Variants in APBB2 observed in about 807,000 individuals in gnomAD.
The protein encoded by APBB2 is amyloid beta precursor protein binding family B member 2.
In APBB2, 38 loss-of-function variants were observed where a neutral mutation model predicts 82.5. The ratio of observed to expected loss-of-function variants is 0.46; its 90% CI spans 0.36 to 0.60. The LOEUF (loss-of-function observed/expected upper bound fraction) is 0.60, where lower values mean the gene tolerates loss of function less well. Ranked by LOEUF, APBB2 falls within the 20% of genes least tolerant of loss-of-function variation. APBB2 has a pLI of 0.00. For missense variants in APBB2, 772 were observed against 972.3 expected (o/e 0.79, Z 2.74); for synonymous variants, 341 against 368.2 (o/e 0.93, Z 0.85).
intron 12 of APBB2, among the ~76,000 whole-genome samples, chr4:40,841,468 A>G (rs1755785366): frequency 1.3e-5 from 2 of 152,280 alleles, no homozygotes; most frequent in Middle Eastern, 3.4e-3. Context: ...GAGCATTGGA[A>G]AAACACAACT....
intron 11 of APBB2, among the ~76,000 whole-genome samples, chr4:40,891,111 A>G (rs1431952408): frequency 6.6e-6 from 1 of 152,218 alleles, no homozygotes; most frequent in Non-Finnish European, 1.5e-5. Context: ...GATTGTTACT[A>G]TCCCAGTTAG....
At position 40,822,902 on chromosome 4, in the gene APBB2, G is replaced by T. The variant is rs532240365; in HGVS notation, c.1932+742C>A. On this transcript the variant is annotated intron_variant, in intron 16 of 17. Coordinates refer to ENST00000508593, the MANE Select transcript of APBB2 (RefSeq NM_004307.2). ...GCATGGAGGGTGCAGTGCTTGCGAT[G>T]ATGCTGGTGTGGGGAAGGGCGGGAC... 3.9e-5 allele frequency among the ~76,000 whole-genome samples: 6 copies of T among 152,296 alleles called. No homozygotes were observed. The South Asian group carries it at 1.2e-3, about 32-fold the overall frequency.
intron 12 of APBB2, among the ~76,000 whole-genome samples, chr4:40,831,544 G>C (rs1462309396): frequency 6.6e-6 from 1 of 152,200 alleles, no homozygotes; most frequent in Non-Finnish European, 1.5e-5. Flanking sequence ...AAACAGAAAG[G>C]CTTGAGGAGC....
chr4:41,025,262 G>T (rs1296101341), intron 5 of APBB2, among the ~76,000 whole-genome samples: 1 of 152,082 alleles, frequency 6.6e-6, no homozygotes, highest in African/African-American at 2.4e-5. Context: ...CATACATTTG[G>T]CCAAGAAGCA....
chr4:41,010,948 C>G (rs1417033431), intron 6 of APBB2, among the ~76,000 whole-genome samples: 1 of 151,966 alleles, frequency 6.6e-6, no homozygotes, highest in Non-Finnish European at 1.5e-5. Flanking sequence ...AATTTTGTTT[C>G]TTTTTTTATC....
chr4:41,159,961 G>GAGAAGGAGAAGAAGA (rs1764562022), intron 1 of APBB2, among the ~76,000 whole-genome samples: 15 of 31,976 alleles, frequency 4.7e-4, no homozygotes, highest in African/African-American at 1.4e-3. Flanking sequence ...GAAGGAGAAG[G>GAGAAGGAGAAGAAGA]AGAAGAAGAA....
At chr4:41,196,601 T>C in intron 1 of APBB2, among the ~76,000 whole-genome samples, 1 of 107,590 alleles carries the variant, frequency 9.3e-6, no homozygotes, top group African/African-American at 3.2e-5. Context: ...GCCCCCTGCT[T>C]TTTTTTTTTT....
chr4:40,898,265 G>C (rs540994085), intron 10 of APBB2, among the ~76,000 whole-genome samples: 1 of 152,240 alleles, frequency 6.6e-6, no homozygotes, highest in South Asian at 2.1e-4. Flanking sequence ...ATTATTTTTT[G>C]TTTGTTTATT....
At chr4:40,907,437 A>C (rs1177609586) in intron 10 of APBB2, among the ~76,000 whole-genome samples, 1 of 135,012 alleles carries the variant, frequency 7.4e-6, no homozygotes, top group Non-Finnish European at 1.5e-5. Flanking sequence ...GCTGGAGTGC[A>C]GTGGCTCACT....
chr4:40,827,123 C>A lies in APBB2; in HGVS notation c.1732+9G>T, dbSNP rs78391665. ...GCCATAATGAAGACATGAGGTGCCA[C>A]TGACTTACCTTGCAAAGGGACATCG... is the stretch of plus-strand genomic sequence containing the variant. On this transcript the variant is annotated intron_variant, in intron 14 of 17. Transcript: ENST00000508593. 0.034 allele frequency: 55,051 copies of A among 1,613,244 alleles called. 1,260 individuals are homozygous for A. The highest frequency in any genetic ancestry group is 0.039 in the Non-Finnish European group (45,417 of 1,179,282).
intron 2 of APBB2, chr4:41,118,208 A>C (rs1159747672): frequency 6.6e-6 from 1 of 152,118 alleles, no homozygotes; most frequent in Admixed American, 6.6e-5. Context: ...GCAAGATCCT[A>C]TCAAAACAAA....
chr4:40,989,531 ATT>A (rs33982618), intron 6 of APBB2, among the ~76,000 whole-genome samples: 5,113 of 151,282 alleles, frequency 0.034, 127 homozygotes, highest in Middle Eastern at 0.071. Context: ...GAGAAACTAC[ATT>A]TTTTTTTTCC....
At chr4:41,037,780 G>T (rs186292364) in intron 4 of APBB2, among the ~76,000 whole-genome samples, 15 of 152,306 alleles carry the variant, frequency 9.8e-5, no homozygotes, top group Non-Finnish European at 1.3e-4. Flanking sequence ...AGCACTTTGG[G>T]TGGCTGAGGC....
intron 12 of APBB2, among the ~76,000 whole-genome samples, chr4:40,838,756 A>C (rs1043460216): frequency 6.6e-6 from 1 of 152,198 alleles, no homozygotes; most frequent in Non-Finnish European, 1.5e-5. Context: ...GGCGTGAGCC[A>C]CCATGCCTGG....
intron 12 of APBB2, chr4:40,848,803 G>T: frequency 1.0e-6 from 1 of 960,030 alleles, no homozygotes; most frequent in South Asian, 4.8e-5. Flanking sequence ...CTTGCTGATC[G>T]GCTGCTTGGT....
intron 12 of APBB2, among the ~76,000 whole-genome samples, chr4:40,841,900 G>C (rs535380827): frequency 3.1e-4 from 47 of 152,262 alleles, no homozygotes; most frequent in African/African-American, 1.1e-3. Context: ...GGCTGGTCTT[G>C]AACTCCTGAC....
intron 5 of APBB2, among the ~76,000 whole-genome samples, chr4:41,015,349 A>G (rs2154430487): frequency 1.3e-5 from 2 of 152,350 alleles, no homozygotes; most frequent in Admixed American, 1.3e-4. Flanking sequence ...TTCTCAATCT[A>G]TGAGGAGTGA....
At chr4:41,158,362 T>C (rs1763995936) in intron 1 of APBB2, among the ~76,000 whole-genome samples, 1 of 152,244 alleles carries the variant, frequency 6.6e-6, no homozygotes, top group Non-Finnish European at 1.5e-5. Context: ...TAAGAGTTTA[T>C]GTCTAAGAGG....
At chr4:40,912,275 A>G (rs1778766321) in intron 10 of APBB2, among the ~76,000 whole-genome samples, 1 of 152,168 alleles carries the variant, frequency 6.6e-6, no homozygotes, top group Non-Finnish European at 1.5e-5. Flanking sequence ...CCGCAGCCTA[A>G]GGCCTACAAA....
Sources: gnomAD v4.1 joint callset for allele counts (sites outside exome capture counted in the v4.1 genomes callset) on GRCh38, gnomAD v4.1.1 for gene constraint, MANE v1.5 for transcripts, NCBI Gene and HGNC (gene_info 2026-07-23, HGNC 2026-07-21) for gene names.